Variants in ARID1A observed in about 807,000 individuals in gnomAD.
The protein encoded by ARID1A is AT-rich interaction domain 1A, also known as AT-rich interactive domain-containing protein 1A.
Under a neutral mutation model 212.6 loss-of-function variants are expected in ARID1A, and 20 were observed. That is an observed-to-expected ratio of 0.09 (90% CI 0.07 to 0.14). ARID1A has a LOEUF of 0.14. Among genes scored for constraint, ARID1A ranks in the 10% least tolerant of loss-of-function variants. The pLI, the probability that ARID1A is intolerant of heterozygous loss-of-function variation, is 1.00. For synonymous variants in ARID1A, 1,376 were observed against 1,222.1 expected (o/e 1.13, Z -2.63); for missense variants, 2,587 against 3,059.0 (o/e 0.85, Z 3.64).
chr1:26,771,419 A>G lies in ARID1A; in HGVS notation c.3406+93A>G. The G allele has an allele frequency of 7.5e-7, 1 of 1,341,686 alleles. No individual in the cohort carries two copies. Among genetic ancestry groups the G allele is most frequent in the East Asian group, 2.4e-5 (1 of 41,076 alleles). 83.1% of individuals were successfully genotyped at this position (1,341,686 alleles called of 1,614,324 possible). A position where few individuals can be genotyped will look rare whatever the true frequency, so the allele number is the denominator to read the frequency against. On this transcript the variant is annotated intron_variant, in intron 12 of 19. Transcript: ENST00000324856. This position sits in a 1 kb window ranked among gnomAD's most constrained non-coding sequence, Gnocchi z 5.4. ...ATGAATAAGAGGCTTATCCAACAGG[A>G]TATGCCAAGGATCTGTGCTCTGCCT...
intron 3 of ARID1A, 61 bp downstream of exon 3, chr1:26,731,665 T>C (rs1570576270): frequency 6.4e-7 from 1 of 1,559,776 alleles, no homozygotes; most frequent in East Asian, 2.2e-5. Context: ...TGGGGGTTAG[T>C]GTCATGAGAA....
chr1:26,761,000 C>A lies in ARID1A; in HGVS notation c.2065C>A (p.Leu689Met), dbSNP rs2124055688. 1 of 1,614,104 alleles carries A rather than the reference C, an allele frequency of 6.2e-7. No homozygotes were observed. The highest frequency in any genetic ancestry group is 8.5e-7 in the Non-Finnish European group (1 of 1,180,034). ...SPFSPHTSPH[L>M]PGIRGPSPSP... ...TTTCTCTCCTCATACCTCCCCTCAC[C>A]TGCCTGGCATCCGAGGCCCTTCCCC... The change falls in exon 5 of 20, where the codon CTG becomes ATG. Residue 689 changes from leucine (L) to methionine (M), a missense_variant. Leu to Met is a conservative substitution (Grantham distance 15). Transcript: ENST00000324856.
At chr1:26,746,461 G>C (rs1460065892) in intron 4 of ARID1A, among the ~76,000 whole-genome samples, 1 of 152,150 alleles carries the variant, frequency 6.6e-6, no homozygotes, top group African/African-American at 2.4e-5. Flanking sequence ...GGGGAGACTT[G>C]GGTCTTTTGA....
chr1:26,758,084 A>G (rs79569112), intron 4 of ARID1A, among the ~76,000 whole-genome samples: 7,774 of 152,270 alleles, frequency 0.051, 260 homozygotes, highest in Non-Finnish European at 0.079. Context: ...TTGATAAGGA[A>G]TGGAGACTGT....
Position 26,732,661 on chromosome 1 carries a change from T to C in ARID1A, c.1804-15T>C, listed in dbSNP as rs1176798229. 4 of 1,597,266 alleles carry C rather than the reference T, an allele frequency of 2.5e-6. No individual in the cohort carries two copies. Among genetic ancestry groups the C allele is most frequent in the Non-Finnish European group, 3.4e-6 (4 of 1,165,220 alleles). ...CAATACCAGGCCATCACAGCTTTTG[T>C]TTTTCTTGTTGTAGGAGCTATCTCA... On this transcript the variant is annotated splice_polypyrimidine_tract_variant and intron_variant, in intron 3 of 19. Transcript: ENST00000324856.
At chr1:26,722,162 C>T (rs1272702901) in intron 1 of ARID1A, among the ~76,000 whole-genome samples, 2 of 152,184 alleles carry the variant, frequency 1.3e-5, no homozygotes, top group African/African-American at 4.8e-5. Context: ...GCTAAGTCTG[C>T]AAAGGGGAAT....
At chr1:26,747,002 A>G (rs1437902422) in intron 4 of ARID1A, among the ~76,000 whole-genome samples, 1 of 152,194 alleles carries the variant, frequency 6.6e-6, no homozygotes, top group Non-Finnish European at 1.5e-5. Flanking sequence ...AGATCGCGCC[A>G]CTGCACTCCA....
intron 4 of ARID1A, among the ~76,000 whole-genome samples, chr1:26,734,322 T>C (rs370509815): frequency 6.3e-4 from 95 of 151,244 alleles, no homozygotes; most frequent in African/African-American, 2.3e-3. Context: ...GGTGACCTTT[T>C]GATAGATCTG....
rs1312680090 is a variant in ARID1A at position 26,696,119 on chromosome 1, T to A, written c.-285T>A. 35 of 464,506 alleles carry A rather than the reference T, an allele frequency of 7.5e-5. No homozygotes were observed. Among genetic ancestry groups the A allele is most frequent in the Non-Finnish European group, 1.0e-4 (34 of 329,432 alleles). 28.8% of individuals were successfully genotyped at this position (464,506 alleles called of 1,614,324 possible). ...TTCCCAGGCAAGGGCTTGGGGGGAA[T>A]GAGCCGGGAGAGCCGGGTCCCGAGC... On this transcript the variant is annotated 5_prime_UTR_variant, in exon 1 of 20. It removes an upstream start codon present in the reference 5' UTR. Transcript: ENST00000324856.
chr1:26,740,194 A>G (rs1196368278), intron 4 of ARID1A, among the ~76,000 whole-genome samples: 3 of 152,172 alleles, frequency 2.0e-5, no homozygotes, highest in South Asian at 2.1e-4. Flanking sequence ...TATGTAGAAG[A>G]CAAACAGACA....
intron 8 of ARID1A, 58 bp downstream of exon 8, chr1:26,763,343 C>CA (rs2081010070): frequency 4.0e-6 from 6 of 1,490,614 alleles, no homozygotes; most frequent in Admixed American, 2.3e-5. Context: ...TAGACCCACT[C>CA]AGATTATTGA....
rs2081195285 is a variant in ARID1A at position 26,781,528 on chromosome 1, C to T, written c.*772C>T. The T allele has an allele frequency of 4.3e-6, 1 of 233,534 alleles. No homozygotes were observed. The highest frequency in any genetic ancestry group is 5.6e-5 in the Admixed American group (1 of 17,796). The allele number at this position is 233,534 out of a possible 1,614,324, so 14.5% of individuals were successfully genotyped here. ...TACAACACCCTGACCTCTTTCTCTC[C>T]TCCTTGATTGTATGAATAACCCTGA... On this transcript the variant is annotated 3_prime_UTR_variant, in exon 20 of 20. Coordinates refer to ENST00000324856, the MANE Select transcript of ARID1A (RefSeq NM_006015.6).
In ARID1A at chr1:26,774,658, A is replaced by C. The variant is rs1173293278; in HGVS notation, c.4431A>C (p.Pro1477=). 1 of 1,614,032 alleles carries C rather than the reference A, an allele frequency of 6.2e-7. No homozygotes were observed. The highest frequency in any genetic ancestry group is 2.2e-5 in the East Asian group (1 of 44,896). The change falls in exon 18 of 20, where the codon CCA becomes CCC. Residue 1477 remains proline, a synonymous_variant. Coordinates refer to ENST00000324856, the MANE Select transcript of ARID1A (RefSeq NM_006015.6). This position sits in a 1 kb window ranked among gnomAD's most constrained non-coding sequence, Gnocchi z 5.6. Reference sequence around the variant, plus strand: ...GCACCAATGCCCAGCAAAACATGCCACCACAAATGATGGGCGGCCCCATAC... The same window carrying C: ...GCACCAATGCCCAGCAAAACATGCCCCCACAAATGATGGGCGGCCCCATAC... ...PPGTNAQQNM[P]PQMMGGPIQA...
chr1:26,744,101 A>G (rs566754797), intron 4 of ARID1A, among the ~76,000 whole-genome samples: 6 of 152,202 alleles, frequency 3.9e-5, no homozygotes, highest in Middle Eastern at 3.4e-3. Context: ...ATATCTGCCC[A>G]GACTGCTAAG....
intron 1 of ARID1A, among the ~76,000 whole-genome samples, chr1:26,702,666 T>C (rs1195769023): frequency 4.6e-5 from 7 of 151,950 alleles, no homozygotes; most frequent in South Asian, 4.2e-4. Context: ...TAAAATAACA[T>C]TGGGGAAAAA....
Position 26,696,320 on chromosome 1 carries a change from G to A in ARID1A, c.-84G>A, listed in dbSNP as rs1483840230. 8.3e-7 allele frequency: 1 copy of A among 1,198,640 alleles called. No homozygotes were observed. The highest frequency in any genetic ancestry group is 1.0e-6 in the Non-Finnish European group (1 of 966,722). The allele number at this position is 1,198,640 out of a possible 1,614,324, so 74.3% of individuals were successfully genotyped here. On this transcript the variant is annotated 5_prime_UTR_variant, in exon 1 of 20. Coordinates refer to ENST00000324856, the MANE Select transcript of ARID1A (RefSeq NM_006015.6). ...CGGGCGGGTGGGGAGGGCAGCCCGG[G>A]GGACTGGGCCCCGGGGCGGGGTGGG...
At chr1:26,720,710 C>T (rs534144964) in intron 1 of ARID1A, among the ~76,000 whole-genome samples, 14 of 151,956 alleles carry the variant, frequency 9.2e-5, no homozygotes, top group African/African-American at 3.4e-4. Flanking sequence ...AACCCCATCT[C>T]TACAAAAACT....
chr1:26,697,316 G>C lies in ARID1A; in HGVS notation c.913G>C (p.Ala305Pro). ...LNQLLTSPSS[A>P]RGYQGYPGGD... is the part of the protein sequence containing the mutation. Reference sequence around the variant, plus strand: ...CCAACTGCTCACGTCGCCCAGCTCGGCCCGGGGCTACCAGGGCTACCCCGG... The same window carrying C: ...CCAACTGCTCACGTCGCCCAGCTCGCCCCGGGGCTACCAGGGCTACCCCGG... The change falls in exon 1 of 20, where the codon GCC becomes CCC. Residue 305 changes from alanine (A) to proline (P), a missense_variant. Coordinates refer to ENST00000324856, the MANE Select transcript of ARID1A (RefSeq NM_006015.6). The C allele has an allele frequency of 3.7e-6, 5 of 1,344,254 alleles. No homozygotes were observed. The highest frequency in any genetic ancestry group is 4.7e-6 in the Non-Finnish European group (5 of 1,054,020). 83.3% of individuals were successfully genotyped at this position (1,344,254 alleles called of 1,614,324 possible).
intron 1 of ARID1A, among the ~76,000 whole-genome samples, chr1:26,715,080 A>G (rs1466533332): frequency 2.0e-5 from 3 of 152,230 alleles, no homozygotes; most frequent in African/African-American, 7.2e-5. Flanking sequence ...GACCAGCCCA[A>G]GTTTGCAGTT....
Sources: allele counts gnomAD v4.1 joint callset (sites outside exome capture counted in the v4.1 genomes callset), GRCh38; gene constraint gnomAD v4.1.1; non-coding constraint Gnocchi (gnomAD v3.1); transcripts MANE v1.5; gene names NCBI Gene and HGNC (gene_info 2026-07-23, HGNC 2026-07-21).